The following OR9Q1 variants were observed in gnomAD, a reference collection of about 807,000 sequenced individuals.
OR9Q1 encodes the protein olfactory receptor family 9 subfamily Q member 1, also known as olfactory receptor 9Q1.
For missense variants in OR9Q1, 374 were observed against 378.8 expected (o/e 0.99, Z 0.11); for synonymous variants, 153 against 148.6 (o/e 1.03, Z -0.22).
chr11:58,164,608 C>T (rs1447165249), intron 2 of OR9Q1, among the ~76,000 whole-genome samples: 1 of 152,152 alleles, frequency 6.6e-6, no homozygotes, highest in East Asian at 1.9e-4. Flanking sequence ...AGCAAACCTT[C>T]TTTACTTGTC....
chr11:58,167,846 G>A (rs1433401348), intron 2 of OR9Q1, among the ~76,000 whole-genome samples: 2 of 152,150 alleles, frequency 1.3e-5, no homozygotes, highest in Admixed American at 6.5e-5. Flanking sequence ...GTCTCTTGAA[G>A]CCTAGTTTCA....
At chr11:58,131,769 G>A (rs1854143845) in intron 2 of OR9Q1, among the ~76,000 whole-genome samples, 1 of 152,058 alleles carries the variant, frequency 6.6e-6, no homozygotes. Context: ...CAACACTCAC[G>A]AGCTGTCCAA....
chr11:58,101,042 T>C (rs1425584609), intron 2 of OR9Q1, among the ~76,000 whole-genome samples: 1 of 152,104 alleles, frequency 6.6e-6, no homozygotes, highest in Non-Finnish European at 1.5e-5. Flanking sequence ...AAGGAAAAGA[T>C]GGGTTGGTTA....
Position 58,180,681 on chromosome 11 carries a change from A to G in OR9Q1, c.*304A>G, listed in dbSNP as rs1854657101. On this transcript the variant is annotated 3_prime_UTR_variant, in exon 3 of 3. Transcript: ENST00000335397. ...GATTATAAGAGTAATTTTTTTTGCA[A>G]AATTTTTAATGAAAGATTTTCATCA... 1 of 234,320 alleles carries G rather than the reference A, an allele frequency of 4.3e-6. No individual in the cohort carries two copies. The highest frequency in any genetic ancestry group is 1.5e-4 in the South Asian group (1 of 6,452). The allele number at this position is 234,320 out of a possible 1,614,324, so 14.5% of individuals were successfully genotyped here.
At chr11:58,039,188 C>T (rs1239913032) in intron 1 of OR9Q1, among the ~76,000 whole-genome samples, 3 of 152,142 alleles carry the variant, frequency 2.0e-5, no homozygotes, top group African/African-American at 7.2e-5. Flanking sequence ...TGGGCTTTCA[C>T]CATTTGGCCA....
chr11:58,029,195 G>A (rs1012974458), intron 1 of OR9Q1, among the ~76,000 whole-genome samples: 1 of 152,208 alleles, frequency 6.6e-6, no homozygotes, highest in Non-Finnish European at 1.5e-5. Flanking sequence ...TCAACTGGGG[G>A]CTGAATGATC....
intron 2 of OR9Q1, among the ~76,000 whole-genome samples, chr11:58,143,134 T>C (rs914120192): frequency 1.3e-5 from 2 of 152,228 alleles, no homozygotes; most frequent in Non-Finnish European, 2.9e-5. Context: ...TTCCACAATG[T>C]ATATGAACCT....
chr11:58,107,268 C>T (rs1022802442), intron 2 of OR9Q1, among the ~76,000 whole-genome samples: 1 of 152,090 alleles, frequency 6.6e-6, no homozygotes, highest in African/African-American at 2.4e-5. Context: ...CCCCATACCC[C>T]CACCCAATGA....
intron 2 of OR9Q1, among the ~76,000 whole-genome samples, chr11:58,091,040 T>C (rs1853678969): frequency 6.6e-6 from 1 of 152,174 alleles, no homozygotes; most frequent in South Asian, 2.1e-4. Context: ...TTTTCTTCTT[T>C]ATTAGTCTAG....
chr11:58,079,245 T>C (rs545773056), intron 2 of OR9Q1, among the ~76,000 whole-genome samples: 1 of 151,550 alleles, frequency 6.6e-6, no homozygotes, highest in African/African-American at 2.4e-5. Flanking sequence ...GAGTTCTGAG[T>C]CTTTTTTTTT....
chr11:58,053,631 T>A (rs1185648307), intron 1 of OR9Q1, among the ~76,000 whole-genome samples: 74 of 29,384 alleles, frequency 2.5e-3, no homozygotes, highest in African/African-American at 0.01. Context: ...ATATATAAAA[T>A]ATATATATAT....
intron 2 of OR9Q1, among the ~76,000 whole-genome samples, chr11:58,155,918 C>T (rs1590619765): frequency 2.8e-5 from 4 of 140,438 alleles, no homozygotes; most frequent in Non-Finnish European, 3.1e-5. Flanking sequence ...TCTTTTCCTT[C>T]CTTTTTTTTT....
At chr11:58,074,948 C>T (rs1853525483) in intron 2 of OR9Q1, among the ~76,000 whole-genome samples, 1 of 152,112 alleles carries the variant, frequency 6.6e-6, no homozygotes, top group Non-Finnish European at 1.5e-5. Flanking sequence ...GGCCTCTGTT[C>T]TGTTCCTTTG....
chr11:58,048,695 T>TATATATATA (rs1403452829), intron 1 of OR9Q1, among the ~76,000 whole-genome samples: 6 of 141,342 alleles, frequency 4.2e-5, no homozygotes, highest in South Asian at 2.3e-4. Flanking sequence ...TATATATATA[T>TATATATATA]TTTTTAGCAA....
intron 2 of OR9Q1, among the ~76,000 whole-genome samples, chr11:58,081,380 G>C (rs1853585704): frequency 6.6e-6 from 1 of 152,088 alleles, no homozygotes; most frequent in Non-Finnish European, 1.5e-5. Context: ...CTAGATCCTT[G>C]AGGAATCGCC....
At chr11:58,064,886 T>G (rs1562863) in intron 2 of OR9Q1, among the ~76,000 whole-genome samples, 101,203 of 151,278 alleles carry the variant, frequency 0.67, 34,223 homozygotes, top group Middle Eastern at 0.79. Context: ...AGCATTGGGG[T>G]AGGGGAGAAT....
At chr11:58,108,573 G>A in intron 2 of OR9Q1, 1 of 158,122 alleles carries the variant, frequency 6.3e-6, no homozygotes, top group Non-Finnish European at 1.4e-5. Context: ...TCCTCTACAG[G>A]ACAGGTAGTT....
chr11:58,127,224 A>C (rs573837472), intron 2 of OR9Q1, among the ~76,000 whole-genome samples: 1 of 152,278 alleles, frequency 6.6e-6, no homozygotes, highest in East Asian at 1.9e-4. Flanking sequence ...TGCTGGGATT[A>C]CAGGCATGAG....
At chr11:58,159,483 G>T (rs536972722) in intron 2 of OR9Q1, among the ~76,000 whole-genome samples, 4 of 152,150 alleles carry the variant, frequency 2.6e-5, no homozygotes, top group Non-Finnish European at 4.4e-5. Flanking sequence ...TAGATTGATG[G>T]TAGCTTGGAG....
Sources: allele counts gnomAD v4.1 joint callset (sites outside exome capture counted in the v4.1 genomes callset), GRCh38; gene constraint gnomAD v4.1.1; transcripts MANE v1.5; gene names NCBI Gene and HGNC (gene_info 2026-07-23, HGNC 2026-07-21).